The following EPC2 variants were observed in gnomAD, a reference collection of about 807,000 sequenced individuals.
The protein encoded by EPC2 is enhancer of polycomb homolog 2.
EPC2 carries 14 observed loss-of-function variants against 92.1 expected under a neutral mutation model. The observed-to-expected ratio is 0.15, with a 90% CI of 0.10 to 0.24. The LOEUF (loss-of-function observed/expected upper bound fraction) is 0.24, where lower values mean the gene tolerates loss of function less well. Among genes scored for constraint, EPC2 ranks in the 10% least tolerant of loss-of-function variants. EPC2 has a pLI of 1.00. For synonymous variants in EPC2, 340 were observed against 334.7 expected (o/e 1.02, Z -0.17); for missense variants, 755 against 971.5 (o/e 0.78, Z 2.96).
intron 1 of EPC2, among the ~76,000 whole-genome samples, chr2:148,654,446 C>A (rs1442599884): frequency 6.6e-6 from 1 of 152,050 alleles, no homozygotes; most frequent in Non-Finnish European, 1.5e-5. Flanking sequence ...AGCTTGAGGC[C>A]AGGAGTTTTG....
intron 10 of EPC2, among the ~76,000 whole-genome samples, chr2:148,774,483 C>T (rs770363874): frequency 5.3e-5 from 8 of 151,664 alleles, no homozygotes; most frequent in East Asian, 3.9e-4. Context: ...AAAAGTTAGC[C>T]GGGTGTGGTG....
At chr2:148,652,485 A>G (rs1219856221) in intron 1 of EPC2, among the ~76,000 whole-genome samples, 2 of 152,208 alleles carry the variant, frequency 1.3e-5, no homozygotes, top group Non-Finnish European at 2.9e-5. Flanking sequence ...TCAAAGTTGT[A>G]AGGGATGAGT....
intron 2 of EPC2, among the ~76,000 whole-genome samples, chr2:148,714,716 G>A (rs1277652225): frequency 1.3e-5 from 2 of 152,158 alleles, no homozygotes; most frequent in African/African-American, 2.4e-5. Context: ...CTTCTTTGGA[G>A]AAGTGTCTGT....
At chr2:148,722,474 G>A (rs569697587) in intron 2 of EPC2, among the ~76,000 whole-genome samples, 4 of 152,256 alleles carry the variant, frequency 2.6e-5, no homozygotes, top group African/African-American at 9.6e-5. Context: ...CCACAATGAG[G>A]TAGCATCTAA....
chr2:148,651,008 C>T (rs1477828748), intron 1 of EPC2, among the ~76,000 whole-genome samples: 1 of 152,094 alleles, frequency 6.6e-6, no homozygotes, highest in Non-Finnish European at 1.5e-5. Context: ...GGAAAGTTAG[C>T]AAAAACTACA....
In EPC2 at chr2:148,765,671, T is replaced by A. The variant is rs560123295; in HGVS notation, c.1140+525T>A. ...CTCTTTGATAAATATTGCAACAGCT[T>A]TATAGAAAAATGTGTGCAATTAAAA... On this transcript the variant is annotated intron_variant, in intron 7 of 13. Coordinates refer to ENST00000258484, the MANE Select transcript of EPC2 (RefSeq NM_015630.4). Among the ~76,000 whole-genome samples, 36 of 152,296 alleles carry A rather than the reference T, an allele frequency of 2.4e-4. 1 individual carries two copies. The highest frequency in any genetic ancestry group is 7.9e-4 in the African/African-American group (33 of 41,568).
intron 1 of EPC2, among the ~76,000 whole-genome samples, chr2:148,679,196 A>C (rs1681339801): frequency 6.6e-6 from 1 of 152,150 alleles, no homozygotes; most frequent in African/African-American, 2.4e-5. Context: ...GTTTCTTCTT[A>C]TTTACCCATA....
chr2:148,687,749 A>T (rs1467574453), intron 1 of EPC2, among the ~76,000 whole-genome samples: 1 of 152,186 alleles, frequency 6.6e-6, no homozygotes, highest in Admixed American at 6.5e-5. Context: ...TATGGCATAG[A>T]AGCTTGTTTG....
chr2:148,720,002 T>A (rs920704038), intron 2 of EPC2, among the ~76,000 whole-genome samples: 5 of 152,154 alleles, frequency 3.3e-5, no homozygotes, highest in African/African-American at 1.2e-4. Context: ...GATTACAGAA[T>A]CAGTCTGGCC....
In EPC2 at chr2:148,771,028, T is replaced by C. The variant is rs761606141; in HGVS notation, c.1377-16T>C. On this transcript the variant is annotated splice_polypyrimidine_tract_variant and intron_variant, in intron 9 of 13. Transcript: ENST00000258484. ...CAGCTCTCTCAGTTAATATTTGGTT[T>C]TATTTTGCTTTTCAGGGTCATAATG... 5.0e-6 allele frequency: 8 copies of C among 1,593,164 alleles called. No homozygotes were observed. In the South Asian group the frequency reaches 9.2e-5, roughly 18 times the overall value.
Position 148,738,480 on chromosome 2 carries a change from T to C in EPC2, c.314-5142T>C, listed in dbSNP as rs189908686. Among the ~76,000 whole-genome samples, 164 of 152,348 alleles carry C rather than the reference T, an allele frequency of 1.1e-3. No individual in the cohort carries two copies. The Middle Eastern group carries it at 0.014, about 13-fold the overall frequency. On this transcript the variant is annotated intron_variant, in intron 2 of 13. Transcript: ENST00000258484. ...AATTATAGTGTGGTTTTTGTTGTTA[T>C]TATAAAGCCTTAAATTTAAAGTACT...
At chr2:148,652,670 G>T (rs1003634961) in intron 1 of EPC2, among the ~76,000 whole-genome samples, 1 of 144,654 alleles carries the variant, frequency 6.9e-6, no homozygotes, top group Non-Finnish European at 1.6e-5. Flanking sequence ...TAGATGAAAA[G>T]AACTAACAAA....
At chr2:148,712,557 C>G (rs1028702590) in intron 2 of EPC2, among the ~76,000 whole-genome samples, 1 of 152,140 alleles carries the variant, frequency 6.6e-6, no homozygotes, top group African/African-American at 2.4e-5. Context: ...ATTACTGATG[C>G]TGGTGTAAAC....
intron 12 of EPC2, 118 bp downstream of exon 12, chr2:148,783,874 T>C (rs957585458): frequency 2.1e-5 from 21 of 1,001,646 alleles, no homozygotes; most frequent in Admixed American, 5.5e-5. Context: ...CAGGACTCTT[T>C]AGGATTTCTT....
chr2:148,771,854 A>G (rs989632591), intron 10 of EPC2, among the ~76,000 whole-genome samples: 7 of 151,238 alleles, frequency 4.6e-5, no homozygotes, highest in African/African-American at 1.7e-4. Flanking sequence ...GCTGGAGTGC[A>G]GTGGCTTAAT....
intron 10 of EPC2, among the ~76,000 whole-genome samples, chr2:148,778,827 A>G (rs1683697471): frequency 6.6e-6 from 1 of 152,200 alleles, no homozygotes; most frequent in African/African-American, 2.4e-5. Flanking sequence ...AAAGAGCTAG[A>G]TGTCAAGAAT....
intron 1 of EPC2, among the ~76,000 whole-genome samples, chr2:148,675,571 C>T (rs1681246991): frequency 6.6e-6 from 1 of 152,136 alleles, no homozygotes; most frequent in African/African-American, 2.4e-5. Context: ...GGGCTTTCAA[C>T]AAGTAGGCAA....
At chr2:148,756,791 G>A (rs1348853) in intron 4 of EPC2, among the ~76,000 whole-genome samples, 21,347 of 152,170 alleles carry the variant, frequency 0.14, 2,430 homozygotes, top group East Asian at 0.46. Flanking sequence ...AATTCCCAGC[G>A]TAGTGGTTGT....
At chr2:148,755,762 G>A (rs1438510310) in intron 4 of EPC2, among the ~76,000 whole-genome samples, 2 of 152,248 alleles carry the variant, frequency 1.3e-5, no homozygotes, top group African/African-American at 4.8e-5. Flanking sequence ...TTATTTGTTC[G>A]ATTATTTCTT....
Sources: allele counts gnomAD v4.1 joint callset (sites outside exome capture counted in the v4.1 genomes callset), GRCh38; gene constraint gnomAD v4.1.1; transcripts MANE v1.5; gene names NCBI Gene and HGNC (gene_info 2026-07-23, HGNC 2026-07-21).